The following AKR1C3 variants were observed in gnomAD, a reference collection of about 807,000 sequenced individuals.
AKR1C3 encodes 3-alpha hydroxysteroid dehydrogenase, type II.
A neutral mutation model predicts 43.6 loss-of-function variants in AKR1C3; 48 were observed. The observed-to-expected ratio is 1.10, with a 90% CI of 0.87 to 1.40. AKR1C3 has a LOEUF of 1.40. Ranked by LOEUF, AKR1C3 falls within the 40% of genes most tolerant of loss-of-function variation. The pLI is 0.00. For synonymous variants in AKR1C3, 162 were observed against 139.6 expected, an observed-to-expected ratio of 1.16 and a Z score of -1.13; for missense variants, 482 against 391.2, an observed-to-expected ratio of 1.23 and a Z score of -1.96.
At chr10:5,072,788 G>A (rs542410155) in intron 1 of AKR1C3, among the ~76,000 whole-genome samples, 2 of 152,038 alleles carry the variant, frequency 1.3e-5, no homozygotes, top group East Asian at 1.9e-4. Flanking sequence ...AAAAAATGGT[G>A]GTGTTAGGCC....
chr10:5,080,403 T>G (rs917125492), intron 1 of AKR1C3, among the ~76,000 whole-genome samples: 1 of 152,088 alleles, frequency 6.6e-6, no homozygotes, highest in African/African-American at 2.4e-5. Context: ...GCAAGTGGAT[T>G]GCTTGAGGCC....
chr10:5,049,560 A>G (rs77571324), intron 1 of AKR1C3, among the ~76,000 whole-genome samples: 5,627 of 152,354 alleles, frequency 0.037, 362 homozygotes, highest in African/African-American at 0.13. Flanking sequence ...TAACAAAATG[A>G]TAGGAGTGGT....
At chr10:5,051,548 C>A (rs1588327492) in intron 1 of AKR1C3, among the ~76,000 whole-genome samples, 1 of 152,362 alleles carries the variant, frequency 6.6e-6, no homozygotes, top group Non-Finnish European at 1.5e-5. Context: ...ACACTAATGG[C>A]AGCTTCCTAG....
chr10:5,091,583 T>A (rs1374477826), upstream of AKR1C3, among the ~76,000 whole-genome samples: 1 of 152,144 alleles, frequency 6.6e-6, no homozygotes, highest in East Asian at 1.9e-4. Context: ...GCTCTTTTAT[T>A]TATTCTGTAG....
At chr10:5,075,940 G>C (rs1554781798) in intron 1 of AKR1C3, among the ~76,000 whole-genome samples, 1 of 151,618 alleles carries the variant, frequency 6.6e-6, no homozygotes, top group Non-Finnish European at 1.5e-5. Context: ...GGGGGCTCTA[G>C]AGAGATGGAG....
intron 1 of AKR1C3, among the ~76,000 whole-genome samples, chr10:5,071,369 C>G (rs1838609793): frequency 6.6e-6 from 1 of 152,168 alleles, no homozygotes; most frequent in Admixed American, 6.5e-5. Context: ...TATTCCCTCT[C>G]TACATAATGA....
At chr10:5,064,499 A>C (rs1838453826) in intron 1 of AKR1C3, among the ~76,000 whole-genome samples, 1 of 152,200 alleles carries the variant, frequency 6.6e-6, no homozygotes, top group Non-Finnish European at 1.5e-5. Flanking sequence ...AAGACACCAA[A>C]AGCAATTGCA....
chr10:5,070,038 GAA>G (rs1214941758), intron 1 of AKR1C3, among the ~76,000 whole-genome samples: 7 of 152,146 alleles, frequency 4.6e-5, no homozygotes, highest in Non-Finnish European at 7.3e-5. Context: ...TGAAAGAAAG[GAA>G]AAAAAGAGAA....
chr10:5,079,444 C>T (rs782509570), intron 1 of AKR1C3, among the ~76,000 whole-genome samples: 1 of 152,158 alleles, frequency 6.6e-6, no homozygotes, highest in Non-Finnish European at 1.5e-5. Flanking sequence ...TGAGGAAATA[C>T]ACGTTAGTGA....
intron 1 of AKR1C3, among the ~76,000 whole-genome samples, chr10:5,084,721 C>T (rs1554782753): frequency 6.6e-6 from 1 of 152,046 alleles, no homozygotes; most frequent in Non-Finnish European, 1.5e-5. Flanking sequence ...ATGGAATATT[C>T]TTCCATTTCT....
At chr10:5,055,254 C>G (rs1554779434) in intron 1 of AKR1C3, among the ~76,000 whole-genome samples, 1 of 152,234 alleles carries the variant, frequency 6.6e-6, no homozygotes, top group East Asian at 1.9e-4. Context: ...GTTGAGGGGA[C>G]TTCTAAGAGA....
chr10:5,057,617 A>T (rs1838289580), intron 1 of AKR1C3, among the ~76,000 whole-genome samples: 1 of 152,164 alleles, frequency 6.6e-6, no homozygotes, highest in African/African-American at 2.4e-5. Context: ...ACATCATTGA[A>T]TAATTCATGT....
chr10:5,080,116 T>G (rs1218743245), intron 1 of AKR1C3, among the ~76,000 whole-genome samples: 1 of 152,168 alleles, frequency 6.6e-6, no homozygotes, highest in Non-Finnish European at 1.5e-5. Context: ...TTTTCTTTCC[T>G]TCCCTCTCAC....
At chr10:5,079,991 T>C (rs782154015) in intron 1 of AKR1C3, among the ~76,000 whole-genome samples, 16 of 152,136 alleles carry the variant, frequency 1.1e-4, no homozygotes, top group Non-Finnish European at 1.9e-4. Context: ...AAATAATGAA[T>C]CAGAGTCAGG....
chr10:5,063,903 A>C (rs548490587), intron 1 of AKR1C3, among the ~76,000 whole-genome samples: 1 of 152,140 alleles, frequency 6.6e-6, no homozygotes, highest in East Asian at 1.9e-4. Context: ...CTGTGGGGAC[A>C]TGAAAGCATG....
intron 8 of AKR1C3, among the ~76,000 whole-genome samples, chr10:5,106,547 T>G (rs587645421): frequency 1.8e-4 from 27 of 152,140 alleles, no homozygotes; most frequent in African/African-American, 5.8e-4. Flanking sequence ...GGTCAGGAGT[T>G]CGAGACCAGC....
chr10:5,049,380 C>T (rs782207850), intron 1 of AKR1C3, among the ~76,000 whole-genome samples: 15 of 152,190 alleles, frequency 9.9e-5, no homozygotes, highest in African/African-American at 7.2e-5. Context: ...TTGAGCACCA[C>T]ATGGTAATAC....
chr10:5,059,660 C>T (rs141614222), intron 1 of AKR1C3, among the ~76,000 whole-genome samples: 2,660 of 152,176 alleles, frequency 0.017, 80 homozygotes, highest in African/African-American at 0.06. Flanking sequence ...GACAGGTGCC[C>T]GGTATTTAGC....
intron 5 of AKR1C3, among the ~76,000 whole-genome samples, chr10:5,100,272 C>A (rs1554785747): frequency 2.0e-5 from 3 of 152,066 alleles, no homozygotes; most frequent in African/African-American, 7.2e-5. Flanking sequence ...CCAGCCTGGG[C>A]AACAAGAGTG....
Sources: allele counts gnomAD v4.1 joint callset (sites outside exome capture counted in the v4.1 genomes callset), GRCh38; gene constraint gnomAD v4.1.1; transcripts MANE v1.5; gene names NCBI Gene and HGNC (gene_info 2026-07-23, HGNC 2026-07-21).